ACTR3C: variants seen among roughly 807,000 people sequenced by gnomAD.
ACTR3C encodes the protein actin-related protein 3C.
In ACTR3C, 18 loss-of-function variants were observed where a neutral mutation model predicts 26.3. The ratio of observed to expected loss-of-function variants is 0.68; its 90% CI spans 0.47 to 1.01. The LOEUF (loss-of-function observed/expected upper bound fraction) is 1.01. Among genes scored for constraint, ACTR3C ranks in the 50% least tolerant of loss-of-function variants. The pLI is 0.00. For synonymous variants in ACTR3C, 55 were observed against 94.5 expected, an observed-to-expected ratio of 0.58 and a Z score of 2.42; for missense variants, 184 against 250.7, an observed-to-expected ratio of 0.73 and a Z score of 1.80.
At position 150,298,266 on chromosome 7, in the gene ACTR3C, C is replaced by T. The variant is rs557919477; in HGVS notation, c.-51-2919G>A. 1.0e-4 allele frequency among the ~76,000 whole-genome samples: 15 copies of T among 150,042 alleles called. 1 individual carries two copies. Among genetic ancestry groups the T allele is most frequent in the Non-Finnish European group, 1.9e-4 (13 of 67,842 alleles). ...AAACATGAGTCCTTTTAATCATTAC[C>T]AAGAACACACACCCAATACAAAGCA... On this transcript the variant is annotated intron_variant, in intron 1 of 7. Transcript: ENST00000683684.
At chr7:150,099,940 C>T in the ACTR3C span, among the ~76,000 whole-genome samples, 1 of 151,584 alleles carries the variant, frequency 6.6e-6, no homozygotes, top group African/African-American at 2.4e-5. Context: ...GATGAATACG[C>T]GAAGAAGAGC....
At chr7:150,162,827 C>T in the ACTR3C span, among the ~76,000 whole-genome samples, 37 of 152,172 alleles carry the variant, frequency 2.4e-4, no homozygotes, top group African/African-American at 6.7e-4. Context: ...TGATGAATGA[C>T]GGTACCACGA....
At chr7:149,908,195 G>C in the ACTR3C span, among the ~76,000 whole-genome samples, 5 of 152,110 alleles carry the variant, frequency 3.3e-5, no homozygotes, top group Admixed American at 6.6e-5. Flanking sequence ...GAGGCCTCAC[G>C]GGAAACCAAC....
chr7:150,287,050 GGTT>G (rs1835837661), intron 4 of ACTR3C, among the ~76,000 whole-genome samples: 1 of 152,148 alleles, frequency 6.6e-6, no homozygotes, highest in South Asian at 2.1e-4. Flanking sequence ...TCAACCTGCT[GGTT>G]GTTAATCTGG....
chr7:150,013,370 A>T, the ACTR3C span, among the ~76,000 whole-genome samples: 81,739 of 148,728 alleles, frequency 0.55, 19,482 homozygotes, highest in East Asian at 0.82. Context: ...ACACTGCTCC[A>T]TCTCAATTCT....
the ACTR3C span, chr7:150,001,176 G>A: frequency 1.3e-5 from 2 of 152,514 alleles, no homozygotes; most frequent in East Asian, 1.9e-4. Context: ...GGCTCTTGTC[G>A]AGTTGGGGCT....
At chr7:150,156,064 G>A in the ACTR3C span, among the ~76,000 whole-genome samples, 2 of 151,302 alleles carry the variant, frequency 1.3e-5, no homozygotes, top group Admixed American at 1.3e-4. Context: ...CAGGGAGTCA[G>A]TGAGGTGGGT....
the ACTR3C span, among the ~76,000 whole-genome samples, chr7:150,167,976 CT>C: frequency 6.6e-6 from 1 of 150,764 alleles, no homozygotes; most frequent in Non-Finnish European, 1.5e-5. Context: ...ATCAGTGAGT[CT>C]GAAATATACC....
At chr7:150,229,394 G>A in the ACTR3C span, among the ~76,000 whole-genome samples, 1 of 152,000 alleles carries the variant, frequency 6.6e-6, no homozygotes, top group East Asian at 1.9e-4. Flanking sequence ...ATCATTAATG[G>A]GTGCTGGTTT....
At chr7:150,014,455 C>CAA in the ACTR3C span, among the ~76,000 whole-genome samples, 1 of 111,682 alleles carries the variant, frequency 9.0e-6, no homozygotes, top group Non-Finnish European at 1.9e-5. Flanking sequence ...GACTCCGTCT[C>CAA]AAAAAAAAAA....
the ACTR3C span, among the ~76,000 whole-genome samples, chr7:150,169,379 T>C: frequency 9.1e-6 from 1 of 110,218 alleles, no homozygotes; most frequent in Middle Eastern, 5.2e-3. Flanking sequence ...TGAGACTCCA[T>C]TTCAAAAGGA....
intron 6 of ACTR3C, among the ~76,000 whole-genome samples, chr7:150,250,219 T>TC (rs1832740089): frequency 1.4e-5 from 2 of 146,250 alleles, no homozygotes; most frequent in Non-Finnish European, 3.0e-5. Flanking sequence ...TTTTTTTTTT[T>TC]TTGAGACGGA....
At chr7:150,073,380 GTC>G in the ACTR3C span, among the ~76,000 whole-genome samples, 3 of 151,978 alleles carry the variant, frequency 2.0e-5, no homozygotes, top group South Asian at 4.2e-4. Flanking sequence ...CAGTGAAGGT[GTC>G]AGAGAAATTC....
At chr7:150,041,645 CCT>C in the ACTR3C span, among the ~76,000 whole-genome samples, 11 of 103,452 alleles carry the variant, frequency 1.1e-4, 1 homozygote, top group East Asian at 4.1e-4. Flanking sequence ...CCTCCCCCCC[CCT>C]GCGATGAGGG....
the ACTR3C span, among the ~76,000 whole-genome samples, chr7:150,137,401 C>A: frequency 1.1e-4 from 17 of 152,316 alleles, no homozygotes; most frequent in African/African-American, 3.4e-4. Context: ...TAGTGCCTGG[C>A]ACGTGGCAGG....
At chr7:149,884,438 T>C in the ACTR3C span, among the ~76,000 whole-genome samples, 1 of 152,212 alleles carries the variant, frequency 6.6e-6, no homozygotes, top group Non-Finnish European at 1.5e-5. Flanking sequence ...GACAAAGTGC[T>C]CAACAGTGTG....
At chr7:150,242,318 T>G (rs1832234136), downstream of ACTR3C, among the ~76,000 whole-genome samples, 1 of 150,304 alleles carries the variant, frequency 6.7e-6, no homozygotes, top group African/African-American at 2.5e-5. Context: ...ACTGTATTGT[T>G]CCATTTGCAT....
the ACTR3C span, among the ~76,000 whole-genome samples, chr7:150,029,278 T>G: frequency 7.9e-5 from 12 of 151,796 alleles, 1 homozygote; most frequent in Non-Finnish European, 1.5e-4. Flanking sequence ...ACGAGTCTCT[T>G]GCCAGGCACG....
At chr7:149,881,888 A>T in the ACTR3C span, 1 of 153,138 alleles carries the variant, frequency 6.5e-6, no homozygotes, top group East Asian at 1.9e-4. Context: ...TACCCCCAAG[A>T]AGTCAAGGTC....
Sources: gnomAD v4.1 joint callset for allele counts (sites outside exome capture counted in the v4.1 genomes callset) on GRCh38, gnomAD v4.1.1 for gene constraint, MANE v1.5 for transcripts, NCBI Gene and HGNC (gene_info 2026-07-23, HGNC 2026-07-21) for gene names.